ANO2: variants seen among roughly 807,000 people sequenced by gnomAD.
ANO2 encodes anoctamin-2.
A neutral mutation model predicts 124.2 loss-of-function variants in ANO2; 101 were observed. The observed-to-expected ratio is 0.81, with a 90% CI of 0.69 to 0.96. The LOEUF (loss-of-function observed/expected upper bound fraction) is 0.96. ANO2 is among the 40% of genes least tolerant of loss of function. The pLI is 0.00. For synonymous variants in ANO2, 486 were observed against 482.5 expected (o/e 1.01, Z -0.09); for missense variants, 1,293 against 1,274.5 (o/e 1.01, Z -0.22).
intron 3 of ANO2, among the ~76,000 whole-genome samples, chr12:5,888,759 T>C (rs1338483296): frequency 6.6e-6 from 1 of 152,160 alleles, no homozygotes; most frequent in Admixed American, 6.5e-5. Context: ...TGCCAATTGG[T>C]GTATTTACAA....
intron 1 of ANO2, among the ~76,000 whole-genome samples, chr12:5,939,063 AAAAATTAGCTGGGCGTAGT>A (rs1942780991): frequency 6.6e-6 from 1 of 151,142 alleles, no homozygotes; most frequent in African/African-American, 2.4e-5. Context: ...CTAAAAATAC[AAAAATTAGCTGGGCGTAGT>A]GGTGCGCGCC....
At chr12:5,892,941 A>G (rs1939510586) in intron 3 of ANO2, among the ~76,000 whole-genome samples, 1 of 152,202 alleles carries the variant, frequency 6.6e-6, no homozygotes, top group Admixed American at 6.5e-5. Flanking sequence ...TTTCTCATAG[A>G]GTTTTCAATT....
At chr12:5,906,175 G>A (rs1168967021) in intron 3 of ANO2, among the ~76,000 whole-genome samples, 16 of 152,086 alleles carry the variant, frequency 1.1e-4, no homozygotes, top group Admixed American at 1.0e-3. Flanking sequence ...AGGGCTAGGA[G>A]AAGGCACCAA....
At chr12:5,811,121 C>T (rs1249130111) in intron 7 of ANO2, among the ~76,000 whole-genome samples, 7 of 152,190 alleles carry the variant, frequency 4.6e-5, no homozygotes, top group African/African-American at 7.2e-5. Context: ...CCAGGCCAAA[C>T]TCAAAGGAAA....
At chr12:5,945,039 T>C (rs1460675633) in intron 1 of ANO2, among the ~76,000 whole-genome samples, 157 bp downstream of exon 1, 2 of 151,678 alleles carry the variant, frequency 1.3e-5, no homozygotes, top group African/African-American at 2.4e-5. Flanking sequence ...TCAGAGTCCC[T>C]ACCCTGGAAA....
chr12:5,563,268 C>T lies in ANO2; in HGVS notation c.*31G>A. ...TACGTGCATGTGCGTGTCTCTGCTG[C>T]CGTGCCCTCCTCTGCTGCAGGCTGA... is the stretch of plus-strand genomic sequence containing the variant. On this transcript the variant is annotated 3_prime_UTR_variant, in exon 25 of 25. Coordinates refer to ENST00000682330, the MANE Select transcript of ANO2 (RefSeq NM_001364791.2). 6.3e-7 allele frequency: 1 copy of T among 1,577,394 alleles called. No homozygotes were observed. Among genetic ancestry groups the T allele is most frequent in the South Asian group, 1.1e-5 (1 of 87,156 alleles).
At chr12:5,668,900 T>C (rs1322121927) in intron 14 of ANO2, among the ~76,000 whole-genome samples, 1 of 152,198 alleles carries the variant, frequency 6.6e-6, no homozygotes, top group Non-Finnish European at 1.5e-5. Context: ...GTTCCATTGG[T>C]CTGTGTGCCT....
intron 14 of ANO2, among the ~76,000 whole-genome samples, chr12:5,656,489 T>C (rs1565529325): frequency 6.6e-6 from 1 of 152,138 alleles, no homozygotes; most frequent in Non-Finnish European, 1.5e-5. Flanking sequence ...CCAGTTGTCA[T>C]GGGGTCTACT....
chr12:5,603,240 CAT>C (rs1466497969), intron 19 of ANO2, among the ~76,000 whole-genome samples: 1 of 152,148 alleles, frequency 6.6e-6, no homozygotes, highest in Non-Finnish European at 1.5e-5. Context: ...ACTAATAAGA[CAT>C]GTGATGTGTT....
At chr12:5,873,196 GCTCTCTCTCT>G (rs57038931) in intron 3 of ANO2, among the ~76,000 whole-genome samples, 8,611 of 119,026 alleles carry the variant, frequency 0.072, 710 homozygotes, top group African/African-American at 0.22. Flanking sequence ...GCCTAAAGCA[GCTCTCTCTCT>G]CTCTCTCTCT....
At chr12:5,680,717 C>T (rs1228749499) in intron 14 of ANO2, among the ~76,000 whole-genome samples, 1 of 152,182 alleles carries the variant, frequency 6.6e-6, no homozygotes. Context: ...CTGAAAGCCC[C>T]TAAATTGTCC....
At chr12:5,877,984 G>A (rs902613447) in intron 3 of ANO2, among the ~76,000 whole-genome samples, 3 of 152,206 alleles carry the variant, frequency 2.0e-5, no homozygotes, top group Non-Finnish European at 4.4e-5. Context: ...ACCGGCCCAC[G>A]GCCGGGGGGT....
At chr12:5,594,875 T>C (rs972448962) in intron 20 of ANO2, among the ~76,000 whole-genome samples, 2 of 152,134 alleles carry the variant, frequency 1.3e-5, no homozygotes, top group South Asian at 2.1e-4. Context: ...CAGTTACTCA[T>C]GGCCAGGAGA....
intron 22 of ANO2, among the ~76,000 whole-genome samples, chr12:5,577,288 G>A (rs1447920622): frequency 1.3e-5 from 2 of 152,256 alleles, no homozygotes; most frequent in Non-Finnish European, 2.9e-5. Context: ...CAAGGGAAAA[G>A]GGCTGTGGCT....
chr12:5,678,935 G>A (rs1948374454), intron 14 of ANO2, among the ~76,000 whole-genome samples: 2 of 152,148 alleles, frequency 1.3e-5, no homozygotes, highest in Admixed American at 6.5e-5. Flanking sequence ...CTACATTTAG[G>A]TTCAGAAAAG....
intron 14 of ANO2, among the ~76,000 whole-genome samples, chr12:5,718,999 G>T (rs1950122016): frequency 6.6e-6 from 1 of 152,156 alleles, no homozygotes; most frequent in African/African-American, 2.4e-5. Flanking sequence ...TCCTTATTTA[G>T]CTTGTCAGCC....
At chr12:5,792,210 C>G (rs917139562) in intron 10 of ANO2, among the ~76,000 whole-genome samples, 3 of 152,182 alleles carry the variant, frequency 2.0e-5, no homozygotes, top group Non-Finnish European at 4.4e-5. Context: ...TCTTTTCACT[C>G]TTAACTCACT....
At chr12:5,667,170 C>T (rs1947771761) in intron 14 of ANO2, among the ~76,000 whole-genome samples, 1 of 152,130 alleles carries the variant, frequency 6.6e-6, no homozygotes, top group South Asian at 2.1e-4. Context: ...GGACCTGCAT[C>T]CCTTCCCTGT....
intron 14 of ANO2, among the ~76,000 whole-genome samples, chr12:5,684,781 T>C (rs1034104648): frequency 3.9e-5 from 6 of 152,114 alleles, no homozygotes; most frequent in African/African-American, 2.4e-5. Flanking sequence ...GCAGCCCACA[T>C]TGTTTACTTG....
Sources: gnomAD v4.1 joint callset for allele counts (sites outside exome capture counted in the v4.1 genomes callset) on GRCh38, gnomAD v4.1.1 for gene constraint, MANE v1.5 for transcripts, NCBI Gene and HGNC (gene_info 2026-07-23, HGNC 2026-07-21) for gene names.